Variants in SYN3 observed in about 807,000 individuals in gnomAD.
SYN3 encodes synapsin III, also known as synapsin-3.
Under a neutral mutation model 65.8 loss-of-function variants are expected in SYN3, and 35 were observed. The observed-to-expected ratio is 0.53, with a 90% CI of 0.41 to 0.70. The LOEUF (loss-of-function observed/expected upper bound fraction) is 0.70. Ranked by LOEUF, SYN3 falls within the 30% of genes least tolerant of loss-of-function variation. SYN3 has a pLI of 0.00. For synonymous variants in SYN3, 270 were observed against 292.9 expected (o/e 0.92, Z 0.80); for missense variants, 680 against 749.0 (o/e 0.91, Z 1.08).
At chr22:32,669,911 C>T (rs1028453160) in intron 6 of SYN3, among the ~76,000 whole-genome samples, 6 of 152,074 alleles carry the variant, frequency 3.9e-5, no homozygotes, top group Non-Finnish European at 7.4e-5. Flanking sequence ...GGCCATGAGG[C>T]AGGTATAGCA....
chr22:33,050,356 G>A (rs946499534), intron 1 of SYN3, among the ~76,000 whole-genome samples: 1 of 151,870 alleles, frequency 6.6e-6, no homozygotes, highest in Non-Finnish European at 1.5e-5. Flanking sequence ...GGTGGTGCAC[G>A]TCAGTAGTCC....
chr22:32,856,744 T>G (rs987965419), intron 6 of SYN3, among the ~76,000 whole-genome samples: 2 of 152,232 alleles, frequency 1.3e-5, no homozygotes, highest in African/African-American at 4.8e-5. Flanking sequence ...ACTGATTCAA[T>G]GAACACTGGG....
intron 6 of SYN3, chr22:32,862,416 G>C (rs1183723453): frequency 2.0e-5 from 3 of 152,172 alleles, no homozygotes; most frequent in African/African-American, 7.2e-5. Context: ...GTGGCAACAT[G>C]GTTCTTGAAC....
intron 6 of SYN3, among the ~76,000 whole-genome samples, chr22:32,821,169 T>C (rs1043527634): frequency 6.6e-6 from 1 of 152,132 alleles, no homozygotes; most frequent in African/African-American, 2.4e-5. Flanking sequence ...AGAGATGGAA[T>C]CCCGTCTCTG....
chr22:33,032,756 C>CT (rs2053777598), intron 1 of SYN3, among the ~76,000 whole-genome samples: 1 of 152,074 alleles, frequency 6.6e-6, no homozygotes, highest in South Asian at 2.1e-4. Context: ...CTCTTTCAAC[C>CT]AACTGCCAAC....
At chr22:32,679,994 C>T (rs2060502406) in intron 6 of SYN3, among the ~76,000 whole-genome samples, 1 of 151,800 alleles carries the variant, frequency 6.6e-6, no homozygotes, top group Non-Finnish European at 1.5e-5. Flanking sequence ...TCTGTTTCTC[C>T]CACTAGAATA....
intron 4 of SYN3, among the ~76,000 whole-genome samples, chr22:32,920,229 T>C (rs1471163971): frequency 6.6e-6 from 1 of 152,204 alleles, no homozygotes; most frequent in Admixed American, 6.5e-5. Flanking sequence ...GTAATTAGAT[T>C]GGGGTCTCAT....
intron 6 of SYN3, among the ~76,000 whole-genome samples, chr22:32,825,115 CTAGGGG>C (rs1324571928): frequency 2.0e-5 from 3 of 151,802 alleles, no homozygotes; most frequent in Non-Finnish European, 2.9e-5. Context: ...CAGCTGGCCT[CTAGGGG>C]TAGGGACAGG....
At position 33,047,369 on chromosome 22, in the gene SYN3, C is replaced by T. The variant is rs113027729; in HGVS notation, c.-163+10923G>A. On this transcript the variant is annotated intron_variant, in intron 1 of 13. Transcript: ENST00000358763. ...AAGAGACGAACACTCAATAATGAAA[C>T]TCCCAATGCTTTCAACGTGGAGCCA... Among the ~76,000 whole-genome samples, 93 of 152,280 alleles carry T rather than the reference C, an allele frequency of 6.1e-4. 1 individual carries two copies. The Middle Eastern group carries it at 0.014, about 22-fold the overall frequency.
intron 6 of SYN3, among the ~76,000 whole-genome samples, chr22:32,617,100 A>G (rs1370897920): frequency 6.6e-6 from 1 of 152,228 alleles, no homozygotes; most frequent in Non-Finnish European, 1.5e-5. Context: ...ATGAGGGCAG[A>G]CATACAATCA....
intron 6 of SYN3, among the ~76,000 whole-genome samples, chr22:32,847,550 G>T (rs1363537048): frequency 6.6e-6 from 1 of 152,172 alleles, no homozygotes; most frequent in Non-Finnish European, 1.5e-5. Flanking sequence ...AGCTCATTTG[G>T]AAAGAAACAA....
intron 4 of SYN3, among the ~76,000 whole-genome samples, chr22:32,918,597 G>GA (rs56770301): frequency 7.2e-5 from 11 of 152,110 alleles, no homozygotes; most frequent in Non-Finnish European, 1.0e-4. Context: ...ATGTTTGAAG[G>GA]AAAAAAAATG....
chr22:32,978,864 G>A (rs867211998), intron 3 of SYN3, among the ~76,000 whole-genome samples: 14 of 152,042 alleles, frequency 9.2e-5, no homozygotes, highest in Admixed American at 2.0e-4. Flanking sequence ...TTCAATAAAA[G>A]TGTGCTACCA....
chr22:32,876,745 G>T (rs2048994615), intron 4 of SYN3, among the ~76,000 whole-genome samples: 1 of 152,122 alleles, frequency 6.6e-6, no homozygotes, highest in Non-Finnish European at 1.5e-5. Flanking sequence ...TAAAACAATA[G>T]AATAGAGGAC....
chr22:32,917,984 G>A (rs1056039068), intron 4 of SYN3, among the ~76,000 whole-genome samples: 1 of 152,330 alleles, frequency 6.6e-6, no homozygotes. Flanking sequence ...TGCTCTGCTG[G>A]GCCCCTGGAC....
At chr22:32,929,996 C>T (rs1180249811) in intron 4 of SYN3, among the ~76,000 whole-genome samples, 2 of 152,112 alleles carry the variant, frequency 1.3e-5, no homozygotes, top group East Asian at 1.9e-4. Context: ...TCAGTTTTTA[C>T]GTTGTTTTCA....
rs141912199 is a variant in SYN3 at position 32,986,642 on chromosome 22, C to A, written c.312-5940G>T. Among the ~76,000 whole-genome samples the A allele has an allele frequency of 3.3e-3, 503 of 152,214 alleles. 2 individuals are homozygous for A. The highest frequency in any genetic ancestry group is 0.011 in the African/African-American group (470 of 41,530). ...CTGGAATTCTAGATGCCTTTGGGGG[C>A]TGGGGTTGCTGCCTCTGTAATTGAC... On this transcript the variant is annotated intron_variant, in intron 2 of 13. Transcript: ENST00000358763.
At chr22:32,973,415 A>ACCC (rs145370290) in intron 3 of SYN3, among the ~76,000 whole-genome samples, 132 of 152,086 alleles carry the variant, frequency 8.7e-4, no homozygotes, top group African/African-American at 1.9e-3. Context: ...TACTACTTTT[A>ACCC]CCCCCGCCAA....
rs2051071387 is a variant in SYN3 at position 32,945,282 on chromosome 22, T to C, written c.370-13801A>G. On this transcript the variant is annotated intron_variant, in intron 3 of 13. Transcript: ENST00000358763. Reference sequence around the variant, plus strand: ...AACTGGAGGCATCACGCTACCTGACTTTAAACTATACTACAAGGCTACAGT... The same window carrying C: ...AACTGGAGGCATCACGCTACCTGACCTTAAACTATACTACAAGGCTACAGT... Among the ~76,000 whole-genome samples, 3 of 152,326 alleles carry C rather than the reference T, an allele frequency of 2.0e-5. No individual in the cohort carries two copies. The East Asian group carries it at 5.8e-4, about 29-fold the overall frequency.
Sources: gnomAD v4.1 joint callset for allele counts (sites outside exome capture counted in the v4.1 genomes callset) on GRCh38, gnomAD v4.1.1 for gene constraint, MANE v1.5 for transcripts, NCBI Gene and HGNC (gene_info 2026-07-23, HGNC 2026-07-21) for gene names.